TBC1D30: variants seen among roughly 807,000 people sequenced by gnomAD.
TBC1D30 encodes the protein TBC1 domain family member 30, also known as TBC1 domain family, member 30.
Under a neutral mutation model 63.2 loss-of-function variants are expected in TBC1D30, and 31 were observed. The observed-to-expected ratio is 0.49, with a 90% CI of 0.37 to 0.66. The LOEUF is 0.66. TBC1D30 is among the 30% of genes least tolerant of loss of function. TBC1D30 has a pLI of 0.00. For synonymous variants in TBC1D30, 307 were observed against 361.5 expected (o/e 0.85, Z 1.71); for missense variants, 810 against 953.6 (o/e 0.85, Z 1.98).
chr12:64,829,218 A>G (rs1283557147), intron 3 of TBC1D30, among the ~76,000 whole-genome samples: 1 of 152,070 alleles, frequency 6.6e-6, no homozygotes, highest in African/African-American at 2.4e-5. Context: ...TTTTATTATG[A>G]ACGGGCTACT....
intron 2 of TBC1D30, among the ~76,000 whole-genome samples, chr12:64,803,767 A>AT (rs1224475945): frequency 6.6e-6 from 1 of 152,096 alleles, no homozygotes; most frequent in Non-Finnish European, 1.5e-5. Flanking sequence ...TCCTTTCCCC[A>AT]TTTCTTGTTT....
At chr12:64,780,201 T>G (rs551479290), upstream of TBC1D30, among the ~76,000 whole-genome samples, 1 of 152,322 alleles carries the variant, frequency 6.6e-6, no homozygotes, top group African/African-American at 2.4e-5. Flanking sequence ...ATTTGCCAGG[T>G]GTTCAGAGTT....
At chr12:64,799,197 A>G (rs1327424301) in intron 2 of TBC1D30, among the ~76,000 whole-genome samples, 1 of 152,010 alleles carries the variant, frequency 6.6e-6, no homozygotes, top group East Asian at 1.9e-4. Flanking sequence ...GGTTGAGAAC[A>G]TGGACTCTGG....
intron 1 of TBC1D30, among the ~76,000 whole-genome samples, chr12:64,783,588 A>G (rs1043135742): frequency 1.3e-5 from 2 of 152,028 alleles, no homozygotes; most frequent in African/African-American, 4.8e-5. Context: ...CAAAGATGAA[A>G]GAGACCTGTT....
At chr12:64,807,963 CA>C (rs1187946503) in intron 2 of TBC1D30, among the ~76,000 whole-genome samples, 1 of 119,360 alleles carries the variant, frequency 8.4e-6, no homozygotes, top group East Asian at 2.9e-4. Context: ...CTATGTCTTC[CA>C]GGCTAGTCTT....
intron 1 of TBC1D30, among the ~76,000 whole-genome samples, chr12:64,767,592 A>G (rs1565633545): frequency 1.3e-5 from 2 of 152,250 alleles, no homozygotes; most frequent in South Asian, 2.1e-4. Flanking sequence ...CCCCAAGGTT[A>G]TGTTAACTCA....
chr12:64,781,310 C>T lies in TBC1D30; in HGVS notation c.478+24C>T, dbSNP rs905389231. ...AGGTGAGGGCCGGGCGCAGCAGGGT[C>T]CCGGGGGCTTCCTGGAGCCGGGTTG... On this transcript the variant is annotated intron_variant, in intron 1 of 12. Coordinates refer to the TBC1D30 transcript ENST00000542120. The T allele has an allele frequency of 1.5e-5, 16 of 1,088,692 alleles. No individual in the cohort carries two copies. In the African/African-American group the frequency reaches 2.4e-4, roughly 16 times the overall value. 67.4% of individuals were successfully genotyped at this position (1,088,692 alleles called of 1,614,324 possible).
In TBC1D30 at chr12:64,847,227, G is replaced by GT. The variant is rs1471033936; in HGVS notation, c.1038+3743dup. Among the ~76,000 whole-genome samples the GT allele has an allele frequency of 2.0e-5, 3 of 151,446 alleles. No homozygotes were observed. In the East Asian group the frequency reaches 5.8e-4, roughly 29 times the overall value. Reference sequence around the variant, plus strand: ...CCTTTGATTTTCTGTGGTATCAGTTGTAATGTCTCCTTTTTCATCTCTGAG... The same window carrying GT: ...CCTTTGATTTTCTGTGGTATCAGTTGTTAATGTCTCCTTTTTCATCTCTGAG... On this transcript the variant is annotated intron_variant, in intron 8 of 11. Coordinates refer to ENST00000539867, the MANE Select transcript of TBC1D30 (RefSeq NM_015279.2).
intron 8 of TBC1D30, among the ~76,000 whole-genome samples, chr12:64,848,867 T>A (rs1876621346): frequency 1.3e-5 from 2 of 152,224 alleles, no homozygotes; most frequent in Non-Finnish European, 2.9e-5. Context: ...TCCACAATGG[T>A]TGAACTAATT....
Position 64,815,625 on chromosome 12 carries a change from G to T in TBC1D30, c.644-12210G>T, listed in dbSNP as rs11830911. On this transcript the variant is annotated intron_variant, in intron 2 of 12. Coordinates refer to the TBC1D30 transcript ENST00000542120. ...ATAAATTCATGAAAAAACTCATAAA[G>T]CATTTAGTTTTATATGCACATATAC... Among the ~76,000 whole-genome samples, 1,260 of 152,072 alleles carry T rather than the reference G, an allele frequency of 8.3e-3. 22 individuals are homozygous for T. The highest frequency in any genetic ancestry group is 0.028 in the African/African-American group (1,177 of 41,462).
chr12:64,880,828 C>T lies in TBC1D30; in HGVS notation c.*5040C>T, dbSNP rs1879419088. ...AAAAAACCAGAAAGTTCACTTGTTT[C>T]TTAGTGTTTACATCCTTGCTATAAC... On this transcript the variant is annotated 3_prime_UTR_variant, in exon 12 of 12. Transcript: ENST00000539867. The T allele has an allele frequency of 1.3e-5, 2 of 152,120 alleles. No homozygotes were observed. The highest frequency in any genetic ancestry group is 4.1e-4 in the South Asian group (2 of 4,834). 9.4% of individuals were successfully genotyped at this position (152,120 alleles called of 1,614,324 possible).
intron 2 of TBC1D30, among the ~76,000 whole-genome samples, chr12:64,815,579 C>A (rs1314538033): frequency 6.6e-6 from 1 of 152,022 alleles, no homozygotes; most frequent in Non-Finnish European, 1.5e-5. Context: ...ACAAATATAT[C>A]CGTAGAGAAA....
At chr12:64,820,300 G>T (rs1295982086), upstream of TBC1D30, among the ~76,000 whole-genome samples, 1 of 152,058 alleles carries the variant, frequency 6.6e-6, no homozygotes, top group Non-Finnish European at 1.5e-5. Context: ...CCCATTAAAG[G>T]AAAAGTTCGC....
rs1184060229 is a variant in TBC1D30 at position 64,849,391 on chromosome 12, G to C, written c.1038+5906G>C. Among the ~76,000 whole-genome samples, 4 of 152,162 alleles carry C rather than the reference G, an allele frequency of 2.6e-5. 1 individual carries two copies. The highest frequency in any genetic ancestry group is 5.9e-5 in the Non-Finnish European group (4 of 68,034). ...ATGGTATCACCTAGGTTTTCTTCTA[G>C]GGTTTTTATGGTTTTAGGTCTTACG... On this transcript the variant is annotated intron_variant, in intron 8 of 11. Coordinates refer to ENST00000539867, the MANE Select transcript of TBC1D30 (RefSeq NM_015279.2).
intron 2 of TBC1D30, among the ~76,000 whole-genome samples, chr12:64,816,036 T>A (rs1169561670): frequency 4.5e-5 from 1 of 22,008 alleles, no homozygotes; most frequent in African/African-American, 1.4e-4. Context: ...TTCAGAATAC[T>A]TTTTTTTTTT....
At chr12:64,819,949 T>C (rs1043404682), upstream of TBC1D30, among the ~76,000 whole-genome samples, 9 of 152,216 alleles carry the variant, frequency 5.9e-5, no homozygotes, top group Admixed American at 4.6e-4. Flanking sequence ...GGTGGTCTGA[T>C]GAGATCTCTG....
Position 64,824,647 on chromosome 12 carries a change from A to T in TBC1D30, c.-233A>T. ...CCCGCCTCGAGCGATCTCCTGCCTC[A>T]GCCTTGCAGGCTCCGCACTGCAGAT... On this transcript the variant is annotated 5_prime_UTR_variant, in exon 1 of 12. Coordinates refer to ENST00000539867, the MANE Select transcript of TBC1D30 (RefSeq NM_015279.2). The T allele has an allele frequency of 2.3e-6, 1 of 434,220 alleles. No homozygotes were observed. 26.9% of individuals were successfully genotyped at this position (434,220 alleles called of 1,614,324 possible).
chr12:64,859,918 C>CCA (rs1877632496), intron 8 of TBC1D30, among the ~76,000 whole-genome samples: 1 of 151,950 alleles, frequency 6.6e-6, no homozygotes, highest in African/African-American at 2.4e-5. Context: ...ATCTGGATGC[C>CCA]GCTCAATCTC....
intron 2 of TBC1D30, among the ~76,000 whole-genome samples, chr12:64,803,622 A>G (rs1592565860): frequency 6.6e-6 from 1 of 152,204 alleles, no homozygotes; most frequent in African/African-American, 2.4e-5. Context: ...TATGGTTTTT[A>G]TGGTTTTAGG....
Sources: gnomAD v4.1 joint callset for allele counts (sites outside exome capture counted in the v4.1 genomes callset) on GRCh38, gnomAD v4.1.1 for gene constraint, MANE v1.5 for transcripts, NCBI Gene and HGNC (gene_info 2026-07-23, HGNC 2026-07-21) for gene names.